SGIP1: variants seen among roughly 807,000 people sequenced by gnomAD.
SGIP1 encodes the protein SH3GL interacting endocytic adaptor 1.
A neutral mutation model predicts 107.5 loss-of-function variants in SGIP1; 38 were observed. That is an observed-to-expected ratio of 0.35 (90% CI 0.27 to 0.46). SGIP1 has a LOEUF of 0.46. Ranked by LOEUF, SGIP1 falls within the 20% of genes least tolerant of loss-of-function variation. The pLI is 1.00. For synonymous variants in SGIP1, 365 were observed against 366.1 expected, an observed-to-expected ratio of 1.00 and a Z score of 0.03; for missense variants, 929 against 1,019.5, an observed-to-expected ratio of 0.91 and a Z score of 1.21.
At chr1:66,697,003 T>C (rs1171980489) in intron 18 of SGIP1, among the ~76,000 whole-genome samples, 1 of 152,206 alleles carries the variant, frequency 6.6e-6, no homozygotes, top group Non-Finnish European at 1.5e-5. Context: ...ATGATGCAGT[T>C]TACCTTCTTT....
chr1:66,649,282 T>C (rs1261692423), intron 7 of SGIP1, among the ~76,000 whole-genome samples: 4 of 152,198 alleles, frequency 2.6e-5, no homozygotes, highest in Admixed American at 1.3e-4. Context: ...ATGGTTGATT[T>C]CTCTTTAAAC....
Position 66,540,755 on chromosome 1 carries a change from A to G in SGIP1, c.10+6387A>G, listed in dbSNP as rs146705630. 3.3e-5 allele frequency among the ~76,000 whole-genome samples: 5 copies of G among 152,328 alleles called. No individual in the cohort carries two copies. The East Asian group carries it at 7.7e-4, about 24-fold the overall frequency. ...AGTTGGGCTTTTTGGTTGAAAGAAC[A>G]TGAACCCAGAAGTCAGACTTGAGTT... On this transcript the variant is annotated intron_variant, in intron 1 of 24. Transcript: ENST00000371037.
At chr1:66,693,796 C>T (rs2090347683) in intron 17 of SGIP1, among the ~76,000 whole-genome samples, 2 of 152,150 alleles carry the variant, frequency 1.3e-5, no homozygotes, top group South Asian at 4.1e-4. Context: ...GACATTCAGA[C>T]ACAGCTGGAT....
Position 66,729,388 on chromosome 1 carries a change from C to T in SGIP1, c.1867C>T (p.His623Tyr). Reference protein sequence around the residue: ...FRVINFSRLEHVLPNPQLLCC... With the variant: ...FRVINFSRLEYVLPNPQLLCC... Reference sequence around the variant, plus strand: ...GGTGATAAATTTCAGCAGGTTAGAACACGTCCTGCCAAACCCCCAACTTCT... The same window carrying T: ...GGTGATAAATTTCAGCAGGTTAGAATACGTCCTGCCAAACCCCCAACTTCT... The change falls in exon 20 of 25, where the codon CAC becomes TAC. Residue 623 changes from histidine to tyrosine, a missense_variant. Physicochemically the swap from His to Tyr is moderately conservative, Grantham distance 83. Around this residue, in one of 2 missense-constraint regions of SGIP1, gnomAD observed 341 missense variants for 430.9 expected, o/e 0.79. Transcript: ENST00000371037. 6.2e-7 allele frequency: 1 copy of T among 1,614,094 alleles called. No homozygotes were observed. Among genetic ancestry groups the T allele is most frequent in the Non-Finnish European group, 8.5e-7 (1 of 1,180,002 alleles).
intron 11 of SGIP1, 97 bp from the exon 12 acceptor site, chr1:66,673,184 T>A: frequency 1.6e-6 from 2 of 1,252,792 alleles, no homozygotes; most frequent in South Asian, 2.4e-5. Context: ...CACACACACT[T>A]GTTTCACTAA....
At chr1:66,691,201 C>T (rs376309501) in intron 17 of SGIP1, among the ~76,000 whole-genome samples, 3 of 152,284 alleles carry the variant, frequency 2.0e-5, no homozygotes, top group Admixed American at 1.3e-4. Flanking sequence ...AACCACCTGG[C>T]CCATCCCACA....
At chr1:66,715,209 A>T (rs2093165430) in intron 18 of SGIP1, among the ~76,000 whole-genome samples, 1 of 152,196 alleles carries the variant, frequency 6.6e-6, no homozygotes, top group South Asian at 2.1e-4. Context: ...AGAATAACAA[A>T]TAGTTGTGGA....
chr1:66,637,392 T>C (rs1029158438), intron 4 of SGIP1, among the ~76,000 whole-genome samples: 3 of 151,558 alleles, frequency 2.0e-5, no homozygotes, highest in South Asian at 4.2e-4. Context: ...CCAAAGATAT[T>C]TGTAAGAATC....
intron 1 of SGIP1, among the ~76,000 whole-genome samples, chr1:66,543,922 T>C (rs1175759383): frequency 6.6e-6 from 1 of 152,176 alleles, no homozygotes; most frequent in Non-Finnish European, 1.5e-5. Flanking sequence ...TCTCAACCTA[T>C]ATACCCATGG....
rs539436478 is a variant in SGIP1 at position 66,739,308 on chromosome 1, T to TTTCAGATTAATGGTCCAGACCTAAA, written c.2032-26_2032-25insTCAGATTAATGGTCCAGACCTAAAT. 3.4e-3 allele frequency: 5,526 copies of TTTCAGATTAATGGTCCAGACCTAAA among 1,609,820 alleles called. 172 individuals are homozygous for TTTCAGATTAATGGTCCAGACCTAAA. The African/African-American group carries it at 0.066, about 19-fold the overall frequency. Reference sequence around the variant, plus strand: ...CTAAGAACATCCCTGTCATATGTTGTTATTTTCTTTCCTGTCGTTCGGCAA... The same window carrying TTTCAGATTAATGGTCCAGACCTAAA: ...CTAAGAACATCCCTGTCATATGTTGTTTCAGATTAATGGTCCAGACCTAAATATTTTCTTTCCTGTCGTTCGGCAA... On this transcript the variant is annotated intron_variant, in intron 21 of 24. Coordinates refer to ENST00000371037, the MANE Select transcript of SGIP1 (RefSeq NM_032291.4).
chr1:66,586,709 T>C (rs1185226072), intron 1 of SGIP1, among the ~76,000 whole-genome samples: 1 of 152,098 alleles, frequency 6.6e-6, no homozygotes, highest in African/African-American at 2.4e-5. Flanking sequence ...CCAAAAATAA[T>C]TTATAAAGCT....
chr1:66,695,763 A>G (rs926503703), intron 18 of SGIP1, among the ~76,000 whole-genome samples: 5 of 152,202 alleles, frequency 3.3e-5, no homozygotes, highest in Admixed American at 2.0e-4. Context: ...AATTGAAAAT[A>G]AAACAAAACA....
At chr1:66,553,395 G>T (rs964403371) in intron 1 of SGIP1, among the ~76,000 whole-genome samples, 6 of 152,110 alleles carry the variant, frequency 3.9e-5, no homozygotes, top group African/African-American at 1.2e-4. Context: ...GAGGCCAACG[G>T]CTGGACGTGG....
At position 66,639,774 on chromosome 1, in the gene SGIP1, C is replaced by T; in HGVS notation, c.172-3C>T. On this transcript the variant is annotated splice_region_variant and splice_polypyrimidine_tract_variant and intron_variant, in intron 4 of 24. Coordinates refer to ENST00000371037, the MANE Select transcript of SGIP1 (RefSeq NM_032291.4). ...TCTAAATTCATTTTCAAATTTATTA[C>T]AGAAGAAAAGCAATGGGGCACCAAA... 1.2e-6 allele frequency: 2 copies of T among 1,608,024 alleles called. No homozygotes were observed. The highest frequency in any genetic ancestry group is 1.7e-6 in the Non-Finnish European group (2 of 1,176,058).
At chr1:66,720,293 AG>A (rs1287356659) in intron 19 of SGIP1, among the ~76,000 whole-genome samples, 1 of 152,252 alleles carries the variant, frequency 6.6e-6, no homozygotes, top group African/African-American at 2.4e-5. Context: ...CAACTAAGTC[AG>A]ACTTATTTTC....
chr1:66,620,718 A>C (rs1218333156), intron 1 of SGIP1, among the ~76,000 whole-genome samples: 1 of 152,242 alleles, frequency 6.6e-6, no homozygotes. Context: ...GAGTGGGGAC[A>C]TAAAGCCAAA....
intron 18 of SGIP1, among the ~76,000 whole-genome samples, chr1:66,705,000 T>C (rs1396504369): frequency 1.3e-5 from 2 of 152,236 alleles, no homozygotes; most frequent in Non-Finnish European, 2.9e-5. Context: ...AAGAATTTTA[T>C]ATTAATTGCT....
Position 66,743,320 on chromosome 1 carries a change from A to G in SGIP1, c.*225A>G, listed in dbSNP as rs1557836180. The G allele has an allele frequency of 2.2e-5, 9 of 410,408 alleles. No homozygotes were observed. Among genetic ancestry groups the G allele is most frequent in the South Asian group, 3.4e-5 (1 of 29,082 alleles). 25.4% of individuals were successfully genotyped at this position (410,408 alleles called of 1,614,324 possible). A position where few individuals can be genotyped will look rare whatever the true frequency, so the allele number is the denominator to read the frequency against. On this transcript the variant is annotated 3_prime_UTR_variant, in exon 25 of 25. Coordinates refer to ENST00000371037, the MANE Select transcript of SGIP1 (RefSeq NM_032291.4). ...ATATTGTTAATGGTTTTAAAATGTA[A>G]TTATTGTATTTGTAAATTGTACTCT...
intron 1 of SGIP1, among the ~76,000 whole-genome samples, chr1:66,565,902 A>T (rs894370512): frequency 6.6e-6 from 1 of 152,032 alleles, no homozygotes; most frequent in African/African-American, 2.4e-5. Context: ...TCTAGAAGAA[A>T]GTAGAAAGCA....
Sources: allele counts gnomAD v4.1 joint callset (sites outside exome capture counted in the v4.1 genomes callset), GRCh38; gene constraint gnomAD v4.1.1; regional missense constraint gnomAD v4.1.1; transcripts MANE v1.5; gene names NCBI Gene and HGNC (gene_info 2026-07-23, HGNC 2026-07-21).